Variants in EYS observed in about 807,000 individuals in gnomAD.
EYS encodes the protein protein eyes shut homolog.
EYS carries 250 observed loss-of-function variants against 282.1 expected under a neutral mutation model. The observed-to-expected ratio is 0.89, with a 90% CI of 0.80 to 0.98. The LOEUF (loss-of-function observed/expected upper bound fraction) is 0.98, where lower values mean the gene tolerates loss of function less well. Ranked by LOEUF, EYS falls within the 50% of genes least tolerant of loss-of-function variation. The pLI, the probability that EYS is intolerant of heterozygous loss-of-function variation, is 0.00. For missense variants in EYS, 4,016 were observed against 3,709.0 expected, an observed-to-expected ratio of 1.08 and a Z score of -2.15; for synonymous variants, 1,355 against 1,282.9, an observed-to-expected ratio of 1.06 and a Z score of -1.20.
At chr6:65,290,254 T>C (rs1269293265) in intron 12 of EYS, among the ~76,000 whole-genome samples, 1 of 150,942 alleles carries the variant, frequency 6.6e-6, no homozygotes, top group Admixed American at 6.6e-5. Context: ...TCATTAAACA[T>C]ATAAAGTATT....
intron 2 of EYS, among the ~76,000 whole-genome samples, chr6:65,556,118 C>T (rs1482597487): frequency 6.6e-6 from 1 of 151,756 alleles, no homozygotes; most frequent in African/African-American, 2.4e-5. Context: ...TTTGTTTTTC[C>T]ACCTGAAAAA....
intron 8 of EYS, among the ~76,000 whole-genome samples, chr6:65,382,213 GTTTT>G (rs67123749): frequency 9.5e-6 from 1 of 105,012 alleles, no homozygotes; most frequent in Non-Finnish European, 1.9e-5. Context: ...ATCCTTTGGT[GTTTT>G]TTTTTTTTTT....
At chr6:64,689,050 A>G (rs1168617283) in intron 22 of EYS, among the ~76,000 whole-genome samples, 1 of 152,216 alleles carries the variant, frequency 6.6e-6, no homozygotes, top group Non-Finnish European at 1.5e-5. Flanking sequence ...TGCAGATGAC[A>G]TGATTGTATA....
chr6:63,874,071 T>C (rs1300374051), intron 35 of EYS, among the ~76,000 whole-genome samples: 1 of 152,224 alleles, frequency 6.6e-6, no homozygotes, highest in Non-Finnish European at 1.5e-5. Context: ...TCCTTGCCCA[T>C]GCCTATGTCC....
chr6:65,114,366 GCA>G (rs1775307388), intron 12 of EYS, among the ~76,000 whole-genome samples: 1 of 79,730 alleles, frequency 1.3e-5, no homozygotes, highest in Non-Finnish European at 2.4e-5. Flanking sequence ...AAAAAAAAAA[GCA>G]GCAGCAGCAG....
intron 41 of EYS, among the ~76,000 whole-genome samples, chr6:63,760,854 A>G (rs1167218016): frequency 6.6e-6 from 1 of 151,834 alleles, no homozygotes; most frequent in Non-Finnish European, 1.5e-5. Flanking sequence ...GGCTTGCCCT[A>G]TTGTTAAATT....
intron 22 of EYS, among the ~76,000 whole-genome samples, chr6:64,772,623 T>G (rs952262763): frequency 6.6e-6 from 1 of 151,764 alleles, no homozygotes; most frequent in Admixed American, 6.6e-5. Flanking sequence ...AACTATATTT[T>G]TGTATCCATT....
At chr6:64,730,100 T>G (rs1180862225) in intron 22 of EYS, among the ~76,000 whole-genome samples, 1 of 152,180 alleles carries the variant, frequency 6.6e-6, no homozygotes, top group Non-Finnish European at 1.5e-5. Context: ...TTTTGTTTCT[T>G]TTTTTCTTTA....
chr6:64,008,829 G>T (rs142084970), intron 33 of EYS, among the ~76,000 whole-genome samples: 1 of 152,182 alleles, frequency 6.6e-6, no homozygotes. Context: ...CTGCTGAAAG[G>T]TCTGCTGTTA....
chr6:63,877,269 C>G (rs1035778038), intron 35 of EYS, among the ~76,000 whole-genome samples: 6 of 152,190 alleles, frequency 3.9e-5, no homozygotes, highest in African/African-American at 1.2e-4. Flanking sequence ...GTTGAACATT[C>G]TTTTCCTTAA....
At chr6:65,642,725 A>C (rs1464567649) in intron 1 of EYS, among the ~76,000 whole-genome samples, 1 of 152,214 alleles carries the variant, frequency 6.6e-6, no homozygotes, top group African/African-American at 2.4e-5. Flanking sequence ...CAGTCTAATA[A>C]GTATTTCTTT....
intron 14 of EYS, among the ~76,000 whole-genome samples, chr6:64,984,822 G>T (rs1413358607): frequency 2.0e-5 from 3 of 151,320 alleles, no homozygotes; most frequent in Non-Finnish European, 4.4e-5. Flanking sequence ...CAGCCTTACT[G>T]TAGCAAAATC....
chr6:64,329,718 A>G (rs979871016), intron 29 of EYS, among the ~76,000 whole-genome samples: 1 of 152,156 alleles, frequency 6.6e-6, no homozygotes, highest in Non-Finnish European at 1.5e-5. Flanking sequence ...GATAATAGAA[A>G]GATGTGCCTC....
At chr6:63,887,938 C>T (rs1309296073) in intron 35 of EYS, among the ~76,000 whole-genome samples, 3 of 152,152 alleles carry the variant, frequency 2.0e-5, no homozygotes, top group African/African-American at 4.8e-5. Context: ...AAGTTGACCT[C>T]GGATGCTAGA....
chr6:64,257,937 G>A (rs1767458043), intron 30 of EYS, among the ~76,000 whole-genome samples: 1 of 151,876 alleles, frequency 6.6e-6, no homozygotes, highest in African/African-American at 2.4e-5. Context: ...CACATAGAAA[G>A]GATTCAGGGC....
intron 2 of EYS, among the ~76,000 whole-genome samples, chr6:65,591,724 T>C (rs1024534559): frequency 5.3e-5 from 8 of 152,082 alleles, no homozygotes; most frequent in Non-Finnish European, 1.2e-4. Context: ...TATGTACTAC[T>C]GATTCTTCAG....
rs553729076 is a variant in EYS at position 64,155,439 on chromosome 6, G to A, written c.6425-73437C>T. Among the ~76,000 whole-genome samples, 85 of 151,680 alleles carry A rather than the reference G, an allele frequency of 5.6e-4. 2 individuals are homozygous for A. The highest frequency in any genetic ancestry group is 6.6e-4 in the Admixed American group (10 of 15,210). ...GGATGCATTTGTGATTTGTGAAATAGGTGCCTGATTTTCAGCACCAGGCTC... is the reference window on the plus strand; with the variant it reads ...GGATGCATTTGTGATTTGTGAAATAAGTGCCTGATTTTCAGCACCAGGCTC... On this transcript the variant is annotated intron_variant, in intron 31 of 42. Transcript: ENST00000503581.
rs139419892 is a variant in EYS, at chr6:65,345,823, A to G, written c.1460-1646T>C. Among the ~76,000 whole-genome samples, 48 of 151,864 alleles carry G rather than the reference A, an allele frequency of 3.2e-4. No individual in the cohort carries two copies. In the East Asian group the frequency reaches 9.2e-3, roughly 29 times the overall value. On this transcript the variant is annotated intron_variant, in intron 9 of 42. Coordinates refer to ENST00000503581, the MANE Select transcript of EYS (RefSeq NM_001142800.2). ...GTGAGAAGATGAAAAAAAATGATAC[A>G]CTGACTAAATTAGCAGAAAGGCTAC...
chr6:64,992,107 C>A (rs780605902), intron 14 of EYS, among the ~76,000 whole-genome samples: 4 of 151,768 alleles, frequency 2.6e-5, no homozygotes, highest in Admixed American at 1.3e-4. Context: ...TATTTTAGAA[C>A]AATTGAGTCC....
Sources: allele counts gnomAD v4.1 joint callset (sites outside exome capture counted in the v4.1 genomes callset), GRCh38; gene constraint gnomAD v4.1.1; transcripts MANE v1.5; gene names NCBI Gene and HGNC (gene_info 2026-07-23, HGNC 2026-07-21).